Variants in SERTAD4 observed in about 807,000 individuals in gnomAD.
The protein encoded by SERTAD4 is SERTA domain containing 4.
In SERTAD4, 18 loss-of-function variants were observed where a neutral mutation model predicts 32.9. The observed-to-expected ratio is 0.55, with a 90% confidence interval of 0.38 to 0.81. The LOEUF (loss-of-function observed/expected upper bound fraction) is 0.81. Among genes scored for constraint, SERTAD4 ranks in the 30% least tolerant of loss-of-function variants. The probability of loss-of-function intolerance (pLI) is 0.00; values close to 1 mark genes in which losing one functional copy is unlikely to be tolerated. For synonymous variants in SERTAD4, 150 were observed against 156.4 expected, an observed-to-expected ratio of 0.96 and a Z score of 0.30; for missense variants, 383 against 426.0, an observed-to-expected ratio of 0.90 and a Z score of 0.89.
chr1:210,245,842 A>G lies in SERTAD4; in HGVS notation c.*3505A>G. 1 of 985,396 alleles carries G rather than the reference A, an allele frequency of 1.0e-6. No homozygotes were observed. Among genetic ancestry groups the G allele is most frequent in the African/African-American group, 1.7e-5 (1 of 57,368 alleles). 61.0% of individuals were successfully genotyped at this position (985,396 alleles called of 1,614,324 possible). On this transcript the variant is annotated 3_prime_UTR_variant, in exon 4 of 4. Coordinates refer to ENST00000367012, the MANE Select transcript of SERTAD4 (RefSeq NM_019605.5). The stretch of plus-strand genomic sequence containing the variant: ...ACTTGTAGAAGACATGACCATTAAG[A>G]GACATCAACTTCGCAACAAATATAA...
chr1:210,239,659 T>A, intron 3 of SERTAD4, 51 bp downstream of exon 3: 1 of 1,041,220 alleles, frequency 9.6e-7, no homozygotes, highest in Non-Finnish European at 1.4e-6. Context: ...AGATACTTAG[T>A]AACAGTTGCT....
chr1:210,241,426 A>G, intron 3 of SERTAD4, 132 bp from the exon 4 acceptor site: 1 of 924,574 alleles, frequency 1.1e-6, no homozygotes, highest in Non-Finnish European at 1.6e-6. Context: ...GAACAAGACC[A>G]CAACATGCCC....
At chr1:210,238,606 C>T (rs376200509) in intron 2 of SERTAD4, among the ~76,000 whole-genome samples, 5 of 152,250 alleles carry the variant, frequency 3.3e-5, no homozygotes, top group South Asian at 2.1e-4. Flanking sequence ...ATTATTGGAA[C>T]GCTAAGCTTG....
In SERTAD4 at chr1:210,243,196, T is replaced by G. The variant is rs1456099448; in HGVS notation, c.*859T>G. 3.3e-6 allele frequency: 3 copies of G among 912,630 alleles called. No homozygotes were observed. The highest frequency in any genetic ancestry group is 2.4e-4 in the East Asian group (2 of 8,384). The allele number at this position is 912,630 out of a possible 1,614,324, so 56.5% of individuals were successfully genotyped here. A position where few individuals can be genotyped will look rare whatever the true frequency, so the allele number is the denominator to read the frequency against. On this transcript the variant is annotated 3_prime_UTR_variant, in exon 4 of 4. Coordinates refer to ENST00000367012, the MANE Select transcript of SERTAD4 (RefSeq NM_019605.5). ...GCTTTTGATTCGACATCTCTATTCTTTATTTTTGATGCCCAATTGCTTTTG... is the reference window on the plus strand; with the variant it reads ...GCTTTTGATTCGACATCTCTATTCTGTATTTTTGATGCCCAATTGCTTTTG...
chr1:210,240,497 C>A (rs2147848418), intron 3 of SERTAD4, among the ~76,000 whole-genome samples: 1 of 152,306 alleles, frequency 6.6e-6, no homozygotes, highest in South Asian at 2.1e-4. Flanking sequence ...GTAGTCCCTG[C>A]CTTTGGTCAG....
chr1:210,243,114 A>AAAAAAAAAC lies in SERTAD4; in HGVS notation c.*778_*779insAAAAAAACA. ...AGGACAAAAAAAAAAAAAAAAAAAAAACCACAGGGTGGATCAATATGGTTT... is the reference window on the plus strand; with the variant it reads ...AGGACAAAAAAAAAAAAAAAAAAAAAAAAAAAAACACCACAGGGTGGATCAATATGGTTT... On this transcript the variant is annotated 3_prime_UTR_variant, in exon 4 of 4. Coordinates refer to ENST00000367012, the MANE Select transcript of SERTAD4 (RefSeq NM_019605.5). 38 of 693,800 alleles carry AAAAAAAAAC rather than the reference A, an allele frequency of 5.5e-5. No individual in the cohort carries two copies. The highest frequency in any genetic ancestry group is 1.4e-4 in the East Asian group (1 of 7,078). The allele number at this position is 693,800 out of a possible 1,614,324, so 43.0% of individuals were successfully genotyped here.
intron 3 of SERTAD4, among the ~76,000 whole-genome samples, chr1:210,240,581 T>A (rs2083984535): frequency 6.6e-6 from 1 of 152,186 alleles, no homozygotes; most frequent in Non-Finnish European, 1.5e-5. Context: ...GAATAACTGG[T>A]CCCCAGGACA....
chr1:210,243,152 C>T lies in SERTAD4; in HGVS notation c.*815C>T. ...ATCAATATGGTTTGGAAACTGTTAA[C>T]TTTGAACTATTGTGTTCAGCTTTTG... On this transcript the variant is annotated 3_prime_UTR_variant, in exon 4 of 4. Transcript: ENST00000367012. The T allele has an allele frequency of 1.0e-6, 1 of 956,928 alleles. No homozygotes were observed. Among genetic ancestry groups the T allele is most frequent in the Non-Finnish European group, 1.2e-6 (1 of 811,894 alleles). The allele number at this position is 956,928 out of a possible 1,614,324, so 59.3% of individuals were successfully genotyped here. A position where few individuals can be genotyped will look rare whatever the true frequency, so the allele number is the denominator to read the frequency against.
chr1:210,236,748 T>C (rs940645199), intron 1 of SERTAD4, among the ~76,000 whole-genome samples: 2 of 152,202 alleles, frequency 1.3e-5, no homozygotes, highest in Non-Finnish European at 2.9e-5. Context: ...TGTGTGACAG[T>C]TCTTGAAACC....
chr1:210,237,838 TAA>T (rs974224814), intron 1 of SERTAD4, 104 bp from the exon 2 acceptor site: 6 of 836,822 alleles, frequency 7.2e-6, no homozygotes, highest in Admixed American at 5.5e-5. Flanking sequence ...GGCCGAGAAG[TAA>T]AAGTTTCCCA....
At chr1:210,238,274 C>T (rs1411737769) in intron 2 of SERTAD4, 139 bp downstream of exon 2, 16 of 604,196 alleles carry the variant, frequency 2.6e-5, no homozygotes, top group Middle Eastern at 8.8e-4. Context: ...GCTGCCTGTG[C>T]GCCTCTCATA....
chr1:210,235,467 C>A (rs1337384018), intron 1 of SERTAD4, among the ~76,000 whole-genome samples: 1 of 152,188 alleles, frequency 6.6e-6, no homozygotes, highest in Non-Finnish European at 1.5e-5. Flanking sequence ...TTCAGATTTA[C>A]ATAAATCACT....
chr1:210,242,034 T>A lies in SERTAD4; in HGVS notation c.768T>A (p.Ser256Arg). Residue 256 changes from serine (S) to arginine (R), a missense_variant, in exon 4 of 4, where the codon AGT (serine) becomes AGA (arginine). Ser to Arg is a moderately radical substitution (Grantham distance 110). Around this residue, in one of 3 missense-constraint regions of SERTAD4, gnomAD observed 180 missense variants for 190.6 expected, o/e 0.94. Transcript: ENST00000367012. The surrounding 1 kb of genome is among the most constrained non-coding windows in gnomAD (Gnocchi z 4.0). ...FDVGSASIYK[S>R]DGQIPANEIF... ...TAGGTAGTGCATCTATTTACAAGAG[T>A]GATGGCCAGATACCTGCCAATGAAA... is the stretch of plus-strand genomic sequence containing the variant. The A allele has an allele frequency of 6.2e-7, 1 of 1,613,964 alleles. No individual in the cohort carries two copies. The highest frequency in any genetic ancestry group is 1.1e-5 in the South Asian group (1 of 91,068).
At position 210,241,548 on chromosome 1, in the gene SERTAD4, T is replaced by TTGTTTTTA; in HGVS notation, c.292-10_292-9insTGTTTTTA. 6.8e-7 allele frequency: 1 copy of TTGTTTTTA among 1,468,686 alleles called. No individual in the cohort carries two copies. The allele number at this position is 1,468,686 out of a possible 1,614,324, so 91.0% of individuals were successfully genotyped here. On this transcript the variant is annotated splice_polypyrimidine_tract_variant and intron_variant, in intron 3 of 3. Transcript: ENST00000367012. Reference sequence around the variant, plus strand: ...TTTGTTTTTTTCTTTTTTTTTTTTTTGGTTTGTAGACCATCTCAATTTTTG... The same window carrying TTGTTTTTA: ...TTTGTTTTTTTCTTTTTTTTTTTTTTTGTTTTTAGGTTTGTAGACCATCTCAATTTTTG...
At chr1:210,241,415 G>A (rs963967489) in intron 3 of SERTAD4, 143 bp from the exon 4 acceptor site, 60 of 828,016 alleles carry the variant, frequency 7.2e-5, no homozygotes, top group Middle Eastern at 3.6e-4. Flanking sequence ...TTAACCCTGC[G>A]GAACAAGACC....
intron 1 of SERTAD4, chr1:210,233,812 G>T (rs1402749154): frequency 2.1e-6 from 1 of 470,086 alleles, no homozygotes; most frequent in Non-Finnish European, 4.4e-6. Context: ...TCCCGCAACC[G>T]CGGGCTTCCA....
At chr1:210,235,243 CAG>C (rs1470163663) in intron 1 of SERTAD4, among the ~76,000 whole-genome samples, 3 of 152,170 alleles carry the variant, frequency 2.0e-5, no homozygotes, top group African/African-American at 7.2e-5. Flanking sequence ...TCTTATCAGA[CAG>C]AGAATTATGA....
At chr1:210,239,414 GA>G in intron 2 of SERTAD4, 78 bp from the exon 3 acceptor site, 1 of 816,222 alleles carries the variant, frequency 1.2e-6, no homozygotes, top group African/African-American at 1.7e-5. Flanking sequence ...CCTCTAGAAG[GA>G]AAGGAAACGA....
Position 210,242,891 on chromosome 1 carries a change from C to G in SERTAD4, c.*554C>G. 1.0e-6 allele frequency: 1 copy of G among 985,888 alleles called. No individual in the cohort carries two copies. Among genetic ancestry groups the G allele is most frequent in the Non-Finnish European group, 1.2e-6 (1 of 830,172 alleles). The allele number at this position is 985,888 out of a possible 1,614,324, so 61.1% of individuals were successfully genotyped here. ...GAAAATAGGATGTAACATAATGAAA[C>G]ACACCTGTCTAGGGGCGGCAATCAA... On this transcript the variant is annotated 3_prime_UTR_variant, in exon 4 of 4. Coordinates refer to ENST00000367012, the MANE Select transcript of SERTAD4 (RefSeq NM_019605.5). The surrounding 1 kb of genome is among the most constrained non-coding windows in gnomAD (Gnocchi z 4.0).
Sources: allele counts gnomAD v4.1 joint callset (sites outside exome capture counted in the v4.1 genomes callset), GRCh38; gene constraint gnomAD v4.1.1; regional missense constraint gnomAD v4.1.1; non-coding constraint Gnocchi (gnomAD v3.1); transcripts MANE v1.5; gene names NCBI Gene and HGNC (gene_info 2026-07-23, HGNC 2026-07-21).